CDH20: variants seen among roughly 807,000 people sequenced by gnomAD.
CDH20 encodes the protein cadherin 20, also known as cadherin-20.
Under a neutral mutation model 74.2 loss-of-function variants are expected in CDH20, and 29 were observed. The ratio of observed to expected loss-of-function variants is 0.39; its 90% CI spans 0.29 to 0.53. The LOEUF (loss-of-function observed/expected upper bound fraction) is 0.53. Among genes scored for constraint, CDH20 ranks in the 20% least tolerant of loss-of-function variants. The pLI, the probability that CDH20 is intolerant of heterozygous loss-of-function variation, is 0.69. For synonymous variants in CDH20, 469 were observed against 405.4 expected, an observed-to-expected ratio of 1.16 and a Z score of -1.88; for missense variants, 988 against 1,048.3, an observed-to-expected ratio of 0.94 and a Z score of 0.79.
intron 8 of CDH20, among the ~76,000 whole-genome samples, 155 bp from the exon 9 acceptor site, chr18:61,538,869 T>G (rs1912926235): frequency 6.6e-6 from 1 of 151,996 alleles, no homozygotes; most frequent in African/African-American, 2.4e-5. Context: ...CCTGACATCG[T>G]GATCCTCCCG....
chr18:61,553,495 G>T (rs1238136000), intron 11 of CDH20, among the ~76,000 whole-genome samples: 1 of 152,102 alleles, frequency 6.6e-6, no homozygotes, highest in East Asian at 1.9e-4. Flanking sequence ...TTATATAAAA[G>T]GCCACTGCTC....
intron 1 of CDH20, among the ~76,000 whole-genome samples, chr18:61,418,553 C>CAA (rs36009749): frequency 0.013 from 858 of 67,630 alleles, 1 homozygote; most frequent in African/African-American, 0.018. Flanking sequence ...GACTCTGTCT[C>CAA]AAAAAAAAAA....
At chr18:61,397,014 A>T (rs1247221908) in intron 1 of CDH20, among the ~76,000 whole-genome samples, 1 of 152,194 alleles carries the variant, frequency 6.6e-6, no homozygotes, top group African/African-American at 2.4e-5. Flanking sequence ...TCTATGCTGT[A>T]CTGGGGCACC....
chr18:61,539,019 T>G lies in CDH20; in HGVS notation c.1409-5T>G. On this transcript the variant is annotated splice_polypyrimidine_tract_variant and splice_region_variant and intron_variant, in intron 8 of 11. Transcript: ENST00000262717. The stretch of plus-strand genomic sequence containing the variant: ...CAGATTTGGTTTTCCTTGTGTTCCC[T>G]TTAGACAATCCCTCCCAGGTTGGAA... 6.2e-7 allele frequency: 1 copy of G among 1,613,792 alleles called. No homozygotes were observed.
At chr18:61,542,051 A>G (rs996154555) in intron 9 of CDH20, among the ~76,000 whole-genome samples, 2 of 152,186 alleles carry the variant, frequency 1.3e-5, no homozygotes, top group Non-Finnish European at 2.9e-5. Context: ...TCACCAATAT[A>G]TACACAATAC....
chr18:61,345,808 A>G (rs1021497330), intron 1 of CDH20, among the ~76,000 whole-genome samples: 1 of 152,198 alleles, frequency 6.6e-6, no homozygotes, highest in African/African-American at 2.4e-5. Flanking sequence ...CAGCACTTCC[A>G]TCCTCCACGA....
intron 1 of CDH20, among the ~76,000 whole-genome samples, chr18:61,432,322 G>C (rs184510354): frequency 1.0e-3 from 150 of 150,640 alleles, no homozygotes; most frequent in African/African-American, 3.5e-3. Context: ...TGACCAGCAT[G>C]CTTTTCGTCT....
intron 7 of CDH20, among the ~76,000 whole-genome samples, chr18:61,533,620 T>C (rs1286345679): frequency 1.3e-5 from 2 of 152,242 alleles, no homozygotes; most frequent in East Asian, 3.8e-4. Flanking sequence ...CAGAAGTTTT[T>C]AGTTTGATAC....
intron 1 of CDH20, among the ~76,000 whole-genome samples, chr18:61,415,683 C>T (rs1050535507): frequency 6.6e-6 from 1 of 152,130 alleles, no homozygotes; most frequent in East Asian, 1.9e-4. Flanking sequence ...TGCATGTATG[C>T]ATTGATTCAT....
At chr18:61,345,018 T>C (rs1270980408) in intron 1 of CDH20, among the ~76,000 whole-genome samples, 4 of 152,210 alleles carry the variant, frequency 2.6e-5, no homozygotes, top group African/African-American at 9.6e-5. Context: ...AGAAAGACAC[T>C]GAAAACCTCT....
chr18:61,390,692 G>A (rs1911751506), intron 1 of CDH20, among the ~76,000 whole-genome samples: 2 of 152,134 alleles, frequency 1.3e-5, no homozygotes, highest in Non-Finnish European at 2.9e-5. Context: ...TGGGGATTTG[G>A]TAAATAAAAA....
chr18:61,427,902 G>A (rs1913126448), intron 1 of CDH20, among the ~76,000 whole-genome samples: 1 of 152,126 alleles, frequency 6.6e-6, no homozygotes, highest in South Asian at 2.1e-4. Context: ...CTAAAACAAT[G>A]CCAGGTTTAT....
At chr18:61,490,086 G>A (rs1219251030) in intron 1 of CDH20, among the ~76,000 whole-genome samples, 3 of 152,092 alleles carry the variant, frequency 2.0e-5, no homozygotes, top group Non-Finnish European at 4.4e-5. Flanking sequence ...ATATTTCAAA[G>A]AGCACACTAT....
intron 1 of CDH20, among the ~76,000 whole-genome samples, chr18:61,366,829 G>T (rs1910878582): frequency 6.6e-6 from 1 of 151,702 alleles, no homozygotes; most frequent in African/African-American, 2.4e-5. Context: ...TTCCTGCATA[G>T]TTATATTTTT....
chr18:61,441,836 A>C (rs908022055), intron 1 of CDH20, among the ~76,000 whole-genome samples: 2 of 152,168 alleles, frequency 1.3e-5, no homozygotes, highest in Non-Finnish European at 2.9e-5. Flanking sequence ...TTTCCTGTAC[A>C]CAACTCCACA....
At chr18:61,541,643 G>C (rs1913043004) in intron 9 of CDH20, among the ~76,000 whole-genome samples, 1 of 152,048 alleles carries the variant, frequency 6.6e-6, no homozygotes, top group Admixed American at 6.6e-5. Flanking sequence ...CTTTGATTTG[G>C]GCTCTGGGAA....
At chr18:61,482,953 C>T (rs535938533) in intron 1 of CDH20, among the ~76,000 whole-genome samples, 1 of 152,288 alleles carries the variant, frequency 6.6e-6, no homozygotes, top group African/African-American at 2.4e-5. Context: ...TAAAGTGACC[C>T]TATTCTCTAA....
At chr18:61,405,283 C>G in intron 1 of CDH20, 1 of 349,492 alleles carries the variant, frequency 2.9e-6, no homozygotes, top group South Asian at 2.5e-5. Context: ...AGGCCATTGT[C>G]AACTCTTAAA....
At chr18:61,510,201 G>A (rs1411447256) in intron 6 of CDH20, among the ~76,000 whole-genome samples, 1 of 152,114 alleles carries the variant, frequency 6.6e-6, no homozygotes, top group Non-Finnish European at 1.5e-5. Context: ...AGCATAGACA[G>A]AAAAAGGACA....
Sources: gnomAD v4.1 joint callset for allele counts (sites outside exome capture counted in the v4.1 genomes callset) on GRCh38, gnomAD v4.1.1 for gene constraint, MANE v1.5 for transcripts, NCBI Gene and HGNC (gene_info 2026-07-23, HGNC 2026-07-21) for gene names.